The following GABRB2 variants were observed in gnomAD, a reference collection of about 807,000 sequenced individuals.
The protein encoded by GABRB2 is gamma-aminobutyric acid type A receptor subunit beta2.
In GABRB2, 16 loss-of-function variants were observed where a neutral mutation model predicts 54.7. The observed-to-expected ratio is 0.29, with a 90% confidence interval of 0.20 to 0.44. The LOEUF (loss-of-function observed/expected upper bound fraction) is 0.44, where lower values mean the gene tolerates loss of function less well. Ranked by LOEUF, GABRB2 falls within the 20% of genes least tolerant of loss-of-function variation. The pLI is 1.00. For missense variants in GABRB2, 355 were observed against 644.0 expected, an observed-to-expected ratio of 0.55 and a Z score of 4.86; for synonymous variants, 244 against 233.8, an observed-to-expected ratio of 1.04 and a Z score of -0.40.
chr5:161,508,040 A>G (rs1759661676), intron 3 of GABRB2, among the ~76,000 whole-genome samples: 1 of 151,962 alleles, frequency 6.6e-6, no homozygotes, highest in African/African-American at 2.4e-5. Flanking sequence ...ATGCAAAAAG[A>G]CTTGAACAAA....
chr5:161,448,804 C>G (rs1177691895), intron 4 of GABRB2, among the ~76,000 whole-genome samples: 1 of 152,018 alleles, frequency 6.6e-6, no homozygotes, highest in Non-Finnish European at 1.5e-5. Context: ...AAGAGAAACC[C>G]CTTTAAGAAT....
At chr5:161,347,287 G>T (rs1754344887) in intron 5 of GABRB2, among the ~76,000 whole-genome samples, 2 of 152,080 alleles carry the variant, frequency 1.3e-5, no homozygotes, top group Non-Finnish European at 2.9e-5. Flanking sequence ...CCAAATGCCA[G>T]AAATAAGGAT....
chr5:161,471,346 T>C (rs1164266577), intron 3 of GABRB2, among the ~76,000 whole-genome samples: 4 of 152,000 alleles, frequency 2.6e-5, no homozygotes, highest in African/African-American at 9.7e-5. Flanking sequence ...ATTTCCTCAT[T>C]CTCAACCTCC....
chr5:161,440,318 G>C (rs1057400066), intron 4 of GABRB2, among the ~76,000 whole-genome samples: 1 of 151,984 alleles, frequency 6.6e-6, no homozygotes, highest in Non-Finnish European at 1.5e-5. Context: ...GAAAAAACAA[G>C]ACTCATTGAT....
At chr5:161,539,489 T>C (rs1760746548) in intron 3 of GABRB2, among the ~76,000 whole-genome samples, 1 of 152,198 alleles carries the variant, frequency 6.6e-6, no homozygotes, top group Non-Finnish European at 1.5e-5. Context: ...CTTCTTTATA[T>C]CCAATAGAGC....
chr5:161,304,643 G>A (rs1482604005), intron 9 of GABRB2, among the ~76,000 whole-genome samples: 5 of 150,408 alleles, frequency 3.3e-5, no homozygotes, highest in Non-Finnish European at 5.9e-5. Flanking sequence ...AATTTATGTG[G>A]AATTCATTAA....
At chr5:161,493,236 G>T (rs1218763152) in intron 3 of GABRB2, among the ~76,000 whole-genome samples, 2 of 151,608 alleles carry the variant, frequency 1.3e-5, no homozygotes, top group African/African-American at 2.4e-5. Context: ...GACTGAAGCT[G>T]AGGAACATTT....
At chr5:161,542,000 G>T (rs1295292172) in intron 3 of GABRB2, among the ~76,000 whole-genome samples, 1 of 152,156 alleles carries the variant, frequency 6.6e-6, no homozygotes, top group Non-Finnish European at 1.5e-5. Flanking sequence ...TCATTGTAGG[G>T]CTGTGAATTG....
rs570667915 is a variant in GABRB2 at position 161,298,345 on chromosome 5, C to T, written c.1192-3917G>A. 2.6e-5 allele frequency among the ~76,000 whole-genome samples: 4 copies of T among 152,278 alleles called. No homozygotes were observed. In the East Asian group the frequency reaches 7.7e-4, roughly 29 times the overall value. On this transcript the variant is annotated intron_variant, in intron 9 of 9. Transcript: ENST00000393959. ...ACTTTTGGCATTTTAATCATGAAAT[C>T]TTTGCCCGTGCCTATATTATTTACT...
chr5:161,332,297 C>G (rs1039977107), intron 7 of GABRB2, among the ~76,000 whole-genome samples: 20 of 151,602 alleles, frequency 1.3e-4, no homozygotes, highest in Non-Finnish European at 2.6e-4. Flanking sequence ...CAGGCAATAT[C>G]AATAAATGAT....
chr5:161,428,220 A>G (rs951669595), intron 4 of GABRB2, among the ~76,000 whole-genome samples: 3 of 152,126 alleles, frequency 2.0e-5, no homozygotes, highest in African/African-American at 7.2e-5. Flanking sequence ...ATTAGACAGG[A>G]TACATATAGA....
intron 5 of GABRB2, among the ~76,000 whole-genome samples, chr5:161,381,802 A>G (rs1755477238): frequency 6.6e-6 from 1 of 152,186 alleles, no homozygotes; most frequent in Admixed American, 6.6e-5. Flanking sequence ...TTAGCTTTGC[A>G]GTTTATAACA....
rs2113491174 is a variant in GABRB2, at chr5:161,546,695, C to T, written c.-52G>A. 6.4e-7 allele frequency: 1 copy of T among 1,554,744 alleles called. No individual in the cohort carries two copies. Among genetic ancestry groups the T allele is most frequent in the Middle Eastern group, 1.7e-4 (1 of 5,992 alleles). ...GTTTCACTGAAGAGAGGAGATCCAA[C>T]TTAGTCTGCCCAGTGCAGTAATTCT... On this transcript the variant is annotated 5_prime_UTR_variant, in exon 1 of 10. Coordinates refer to ENST00000393959, the MANE Select transcript of GABRB2 (RefSeq NM_001371727.1).
At chr5:161,463,222 T>A (rs1758166304) in intron 3 of GABRB2, among the ~76,000 whole-genome samples, 1 of 150,394 alleles carries the variant, frequency 6.6e-6, no homozygotes, top group African/African-American at 2.5e-5. Flanking sequence ...GAGGAAATAA[T>A]CAAAGTGTGA....
chr5:161,471,220 C>G (rs889333066), intron 3 of GABRB2, among the ~76,000 whole-genome samples: 1 of 151,986 alleles, frequency 6.6e-6, no homozygotes, highest in Non-Finnish European at 1.5e-5. Context: ...AAACGAAACT[C>G]AGAGAGGAAT....
chr5:161,454,448 CT>C (rs1757890928), intron 4 of GABRB2, among the ~76,000 whole-genome samples: 1 of 152,164 alleles, frequency 6.6e-6, no homozygotes, highest in Non-Finnish European at 1.5e-5. Flanking sequence ...TTTCCCATTC[CT>C]TTCAATGCAC....
intron 4 of GABRB2, among the ~76,000 whole-genome samples, chr5:161,432,206 G>T (rs756785161): frequency 2.6e-5 from 4 of 152,196 alleles, no homozygotes; most frequent in Non-Finnish European, 4.4e-5. Context: ...ACAAGCCCCA[G>T]TGGGTGTCTG....
intron 4 of GABRB2, among the ~76,000 whole-genome samples, chr5:161,430,196 C>G (rs557505950): frequency 4.6e-5 from 7 of 152,110 alleles, no homozygotes; most frequent in African/African-American, 1.4e-4. Context: ...TACCCAACAC[C>G]AAACTAAAAC....
intron 4 of GABRB2, among the ~76,000 whole-genome samples, chr5:161,429,431 G>T (rs1169601116): frequency 6.7e-6 from 1 of 150,012 alleles, no homozygotes; most frequent in East Asian, 2.0e-4. Context: ...CAGAGAAAAT[G>T]AGCTAATGAG....
Sources: gnomAD v4.1 joint callset for allele counts (sites outside exome capture counted in the v4.1 genomes callset) on GRCh38, gnomAD v4.1.1 for gene constraint, MANE v1.5 for transcripts, NCBI Gene and HGNC (gene_info 2026-07-23, HGNC 2026-07-21) for gene names.